Variants in KCNK9 observed in about 807,000 individuals in gnomAD.
KCNK9 encodes the protein potassium two pore domain channel subfamily K member 9, also known as potassium channel subfamily K member 9.
Under a neutral mutation model 10.8 loss-of-function variants are expected in KCNK9, and 1 was observed. The observed-to-expected ratio is 0.09, with a 90% CI of 0.03 to 0.44. KCNK9 has a LOEUF of 0.44. Ranked by LOEUF, KCNK9 falls within the 20% of genes least tolerant of loss-of-function variation. The pLI, the probability that KCNK9 is intolerant of heterozygous loss-of-function variation, is 0.97. For missense variants in KCNK9, 303 were observed against 515.0 expected (o/e 0.59, Z 3.98); for synonymous variants, 231 against 222.7 (o/e 1.04, Z -0.33).
At chr8:139,614,856 G>A (rs975870323), downstream of KCNK9, among the ~76,000 whole-genome samples, 4 of 152,190 alleles carry the variant, frequency 2.6e-5, no homozygotes, top group Non-Finnish European at 5.9e-5. Context: ...AAGGTTGGGC[G>A]GTGGTACTGA....
At chr8:139,650,923 G>C (rs1009090418) in intron 1 of KCNK9, among the ~76,000 whole-genome samples, 2 of 152,136 alleles carry the variant, frequency 1.3e-5, no homozygotes, top group African/African-American at 4.8e-5. Flanking sequence ...GAATGTGCCC[G>C]GGTGGCCTTC....
intron 1 of KCNK9, among the ~76,000 whole-genome samples, chr8:139,694,871 C>T (rs1014359418): frequency 4.6e-5 from 7 of 152,204 alleles, no homozygotes; most frequent in Non-Finnish European, 8.8e-5. Flanking sequence ...CAGGCTCTTC[C>T]ATCACTCAGG....
intron 1 of KCNK9, among the ~76,000 whole-genome samples, chr8:139,657,707 T>G (rs1816055315): frequency 1.3e-5 from 2 of 152,208 alleles, no homozygotes; most frequent in Non-Finnish European, 2.9e-5. Flanking sequence ...ATGGAGATCA[T>G]TGCTAAGCTG....
At chr8:139,643,573 T>C (rs1276045762) in intron 1 of KCNK9, among the ~76,000 whole-genome samples, 1 of 152,150 alleles carries the variant, frequency 6.6e-6, no homozygotes, top group Non-Finnish European at 1.5e-5. Context: ...TGGCACTGGG[T>C]CAACAGCTAC....
intron 1 of KCNK9, among the ~76,000 whole-genome samples, chr8:139,664,683 G>C (rs1160154264): frequency 6.6e-6 from 1 of 152,176 alleles, no homozygotes; most frequent in African/African-American, 2.4e-5. Context: ...AGCAAGTCCA[G>C]CCTGGTCAGG....
Position 139,618,541 on chromosome 8 carries a change from G to A in KCNK9, c.842C>T (p.Pro281Leu). 2 of 1,613,554 alleles carry A rather than the reference G, an allele frequency of 1.2e-6. No individual in the cohort carries two copies. Among genetic ancestry groups the A allele is most frequent in the Non-Finnish European group, 1.7e-6 (2 of 1,179,916 alleles). The change falls in exon 2 of 2, where the codon CCC (proline) becomes CTC (leucine). Residue 281 changes from proline (P) to leucine (L), a missense_variant. Pro to Leu is a moderately conservative substitution (Grantham distance 98). Transcript: ENST00000520439. The surrounding 1 kb of genome is among the most constrained non-coding windows in gnomAD (Gnocchi z 7.9). ...MVIHIPEEPR[P>L]SRPRYKADVP... ...GTCCGCCTTGTACCTGGGCCGGCTG[G>A]GCCGCGGCTCCTCAGGGATGTGAAT... is the stretch of plus-strand genomic sequence containing the variant.
At position 139,693,764 on chromosome 8, in the gene KCNK9, C is replaced by T. The variant is rs1420709377; in HGVS notation, c.283+8946G>A. Reference sequence around the variant, plus strand: ...CGGGGCTGGAGGATGAAAAGGGCTGCAAGCTGAGGACCTGGGTCTGATTCT... The same window carrying T: ...CGGGGCTGGAGGATGAAAAGGGCTGTAAGCTGAGGACCTGGGTCTGATTCT... On this transcript the variant is annotated intron_variant, in intron 1 of 1. Coordinates refer to ENST00000520439, the MANE Select transcript of KCNK9 (RefSeq NM_001282534.2). The surrounding 1 kb of genome is among the most constrained non-coding windows in gnomAD (Gnocchi z 4.1). 6.6e-6 allele frequency among the ~76,000 whole-genome samples: 1 copy of T among 152,080 alleles called. No homozygotes were observed. The highest frequency in any genetic ancestry group is 2.4e-5 in the African/African-American group (1 of 41,408).
At chr8:139,686,415 A>G (rs1369441455) in intron 1 of KCNK9, among the ~76,000 whole-genome samples, 1 of 152,188 alleles carries the variant, frequency 6.6e-6, no homozygotes, top group African/African-American at 2.4e-5. Flanking sequence ...ACAAATTTAC[A>G]AGAAAAAAAC....
chr8:139,620,695 T>TCC (rs951899134), intron 1 of KCNK9, among the ~76,000 whole-genome samples: 1 of 151,868 alleles, frequency 6.6e-6, no homozygotes, highest in African/African-American at 2.4e-5. Flanking sequence ...CAGAAGGCCT[T>TCC]CCCCCCATCC....
At chr8:139,697,347 TTGGATGGATGGATGGATGGATGGA>T (rs75812728) in intron 1 of KCNK9, among the ~76,000 whole-genome samples, 7 of 143,674 alleles carry the variant, frequency 4.9e-5, no homozygotes, top group African/African-American at 1.8e-4. Flanking sequence ...GAGTGGATGG[TTGGATGGATGGATGGATGGATGGA>T]TGGATGGATG....
At chr8:139,672,859 G>A (rs1052969740) in intron 1 of KCNK9, among the ~76,000 whole-genome samples, 1 of 152,240 alleles carries the variant, frequency 6.6e-6, no homozygotes, top group African/African-American at 2.4e-5. Flanking sequence ...AAGCCCCGGG[G>A]CACCTGCGTG....
chr8:139,640,123 G>T (rs933612), intron 1 of KCNK9, among the ~76,000 whole-genome samples: 152,335 of 152,338 alleles, frequency 1, 76,166 homozygotes, highest in Middle Eastern at 1. Flanking sequence ...TTGGGCCTCC[G>T]TGGCTCAGGG....
Position 139,703,068 on chromosome 8 carries a change from G to A in KCNK9, c.-76C>T. On this transcript the variant is annotated 5_prime_UTR_variant, in exon 1 of 2. Coordinates refer to ENST00000520439, the MANE Select transcript of KCNK9 (RefSeq NM_001282534.2). This position sits in a 1 kb window ranked among gnomAD's most constrained non-coding sequence, Gnocchi z 6.4. ...CGCGCGCGTCCCACTGCAGCGCCCG[G>A]CGGCCGCCGCCGCCTCCTCCTCCGC... 7.8e-7 allele frequency: 1 copy of A among 1,281,560 alleles called. No homozygotes were observed. 79.4% of individuals were successfully genotyped at this position (1,281,560 alleles called of 1,614,324 possible). A position where few individuals can be genotyped will look rare whatever the true frequency, so the allele number is the denominator to read the frequency against.
At chr8:139,679,809 G>A (rs977112855) in intron 1 of KCNK9, among the ~76,000 whole-genome samples, 3 of 152,186 alleles carry the variant, frequency 2.0e-5, no homozygotes, top group South Asian at 4.1e-4. Context: ...CAATAAGCAC[G>A]TGTTTATGTC....
At chr8:139,691,840 C>T (rs1022488799) in intron 1 of KCNK9, among the ~76,000 whole-genome samples, 1 of 152,208 alleles carries the variant, frequency 6.6e-6, no homozygotes, top group Admixed American at 6.5e-5. Context: ...TCACCAGCCA[C>T]ACCCCAGCTT....
At chr8:139,628,583 A>G (rs1007663239) in intron 1 of KCNK9, among the ~76,000 whole-genome samples, 4 of 152,124 alleles carry the variant, frequency 2.6e-5, no homozygotes, top group African/African-American at 9.7e-5. Flanking sequence ...CTGCCCTCAG[A>G]GCCCTGGCAA....
chr8:139,680,719 G>A (rs1034885099), intron 1 of KCNK9, among the ~76,000 whole-genome samples: 2 of 152,136 alleles, frequency 1.3e-5, no homozygotes, highest in African/African-American at 4.8e-5. Flanking sequence ...TGGCAGGAGA[G>A]GAAACGGGGC....
At chr8:139,632,268 G>A (rs1434436805) in intron 1 of KCNK9, among the ~76,000 whole-genome samples, 1 of 152,214 alleles carries the variant, frequency 6.6e-6, no homozygotes, top group African/African-American at 2.4e-5. Flanking sequence ...AAAAGCAGGA[G>A]CAGGCAAGAT....
intron 1 of KCNK9, among the ~76,000 whole-genome samples, chr8:139,673,323 T>C (rs1026584957): frequency 1.3e-5 from 2 of 152,110 alleles, no homozygotes; most frequent in Admixed American, 6.5e-5. Context: ...TACCATTGAG[T>C]TGCAGAGTTT....
Sources: gnomAD v4.1 joint callset for allele counts (sites outside exome capture counted in the v4.1 genomes callset) on GRCh38, gnomAD v4.1.1 for gene constraint, Gnocchi (gnomAD v3.1) non-coding constraint, MANE v1.5 for transcripts, NCBI Gene and HGNC (gene_info 2026-07-23, HGNC 2026-07-21) for gene names.